The following PLAGL1 variants were observed in gnomAD, a reference collection of about 807,000 sequenced individuals.
PLAGL1 encodes PLAG1 like zinc finger 1, also known as zinc finger protein PLAGL1.
A neutral mutation model predicts 4.6 loss-of-function variants in PLAGL1; 1 was observed. The ratio of observed to expected loss-of-function variants is 0.22; its 90% CI spans 0.08 to 1.03. PLAGL1 has a LOEUF of 1.03. Among genes scored for constraint, PLAGL1 ranks in the 50% least tolerant of loss-of-function variants. The pLI, the probability that PLAGL1 is intolerant of heterozygous loss-of-function variation, is 0.58. For synonymous variants in PLAGL1, 240 were observed against 237.8 expected (o/e 1.01, Z -0.08); for missense variants, 464 against 570.4 (o/e 0.81, Z 1.90).
chr6:143,954,541 T>G lies in PLAGL1; in HGVS notation c.-325+5928A>C, dbSNP rs1259249054. Among the ~76,000 whole-genome samples, 1 of 152,182 alleles carries G rather than the reference T, an allele frequency of 6.6e-6. No homozygotes were observed. Among genetic ancestry groups the G allele is most frequent in the East Asian group, 1.9e-4 (1 of 5,188 alleles). ...ATGAGGCAGCCTCTTATAACTCAGC[T>G]AATATAATCCAGAGACTAACATTCA... is the stretch of plus-strand genomic sequence containing the variant. On this transcript the variant is annotated intron_variant, in intron 6 of 7. Coordinates refer to ENST00000674357, the MANE Select transcript of PLAGL1 (RefSeq NM_001317162.2). This position sits in a 1 kb window ranked among gnomAD's most constrained non-coding sequence, Gnocchi z 5.1.
At chr6:143,977,636 A>G (rs1400597158) in intron 2 of PLAGL1, among the ~76,000 whole-genome samples, 2 of 151,538 alleles carry the variant, frequency 1.3e-5, no homozygotes, top group African/African-American at 2.4e-5. Flanking sequence ...TATACCTGAG[A>G]TTACAGGCGC....
rs61216054 is a variant in PLAGL1, at chr6:143,943,031, A to ATTTTTTTTTTTTTTTTTTTTTTTTTTTTT, written c.153-369_153-368insAAAAAAAAAAAAAAAAAAAAAAAAAAAAA. On this transcript the variant is annotated intron_variant, in intron 7 of 7. Transcript: ENST00000674357. ...AGGCACACACCACCAGGCCTGGCTA[A>ATTTTTTTTTTTTTTTTTTTTTTTTTTTTT]TTTTTTTTTTTTTTTTTTTGAGACA... Among the ~76,000 whole-genome samples the ATTTTTTTTTTTTTTTTTTTTTTTTTTTTT allele has an allele frequency of 6.5e-4, 42 of 64,640 alleles. 5 individuals are homozygous for ATTTTTTTTTTTTTTTTTTTTTTTTTTTTT. The highest frequency in any genetic ancestry group is 0.014 in the Middle Eastern group (1 of 74). The allele number at this position is 64,640 out of a possible 152,430, so 42.4% of individuals were successfully genotyped here.
rs561264178 is a variant in PLAGL1, at chr6:144,044,735, C to T, written c.-151+19733G>A. On this transcript the variant is annotated intron_variant, in intron 1 of 3. Coordinates refer to the PLAGL1 transcript ENST00000437412. The stretch of plus-strand genomic sequence containing the variant: ...TCCAAGTCCTGGATATCCTTGTTAA[C>T]CTTCTGTCTCAATCTGTCTAATATT... 1.2e-4 allele frequency among the ~76,000 whole-genome samples: 18 copies of T among 152,240 alleles called. No homozygotes were observed. The South Asian group carries it at 3.7e-3, about 32-fold the overall frequency.
In PLAGL1 at chr6:143,991,543, C is replaced by T. The variant is rs189324688; in HGVS notation, c.-583-6369G>A. On this transcript the variant is annotated intron_variant, in intron 1 of 7. Transcript: ENST00000674357. Reference sequence around the variant, plus strand: ...CTGTCTGGTTTTCTAGGTATTCAGACATTGCACTCGCTCAGCACTGCCCTT... The same window carrying T: ...CTGTCTGGTTTTCTAGGTATTCAGATATTGCACTCGCTCAGCACTGCCCTT... 8.5e-5 allele frequency among the ~76,000 whole-genome samples: 13 copies of T among 152,292 alleles called. No individual in the cohort carries two copies. In the East Asian group the frequency reaches 2.1e-3, roughly 25 times the overall value.
chr6:144,049,531 G>C (rs1798427797), intron 1 of PLAGL1, among the ~76,000 whole-genome samples: 1 of 152,214 alleles, frequency 6.6e-6, no homozygotes, highest in South Asian at 2.1e-4. Flanking sequence ...CAAAGAGGAA[G>C]CAAGCTTGGA....
At position 144,039,733 on chromosome 6, in the gene PLAGL1, G is replaced by T. The variant is rs998205221; in HGVS notation, c.-151+24735C>A. Among the ~76,000 whole-genome samples the T allele has an allele frequency of 4.7e-4, 71 of 152,168 alleles. No homozygotes were observed. The highest frequency in any genetic ancestry group is 1.5e-4 in the Non-Finnish European group (10 of 68,048). The stretch of plus-strand genomic sequence containing the variant: ...TGTAATAGTCAGTGAATACAAAGGG[G>T]TATATACTAAATGCTACAGAAATTC... On this transcript the variant is annotated intron_variant, in intron 1 of 3. Coordinates refer to the PLAGL1 transcript ENST00000437412. The surrounding 1 kb of genome is among the most constrained non-coding windows in gnomAD (Gnocchi z 4.1).
chr6:144,027,226 A>AGAACGAACGAAC lies in PLAGL1; in HGVS notation c.-151+37241_-151+37242insGTTCGTTCGTTC, dbSNP rs747970925. 7.7e-6 allele frequency among the ~76,000 whole-genome samples: 1 copy of AGAACGAACGAAC among 129,814 alleles called. No individual in the cohort carries two copies. Among genetic ancestry groups the AGAACGAACGAAC allele is most frequent in the East Asian group, 2.3e-4 (1 of 4,432 alleles). The allele number at this position is 129,814 out of a possible 152,430, so 85.2% of individuals were successfully genotyped here. ...GTGACAGAGAAAGACCCCAACTCAA[A>AGAACGAACGAAC]GAACGAACGAAAGAAAGAAAGAAAG... On this transcript the variant is annotated intron_variant, in intron 1 of 3. Coordinates refer to the PLAGL1 transcript ENST00000437412. This position sits in a 1 kb window ranked among gnomAD's most constrained non-coding sequence, Gnocchi z 5.8.
At chr6:143,991,204 T>C (rs1016254971) in intron 1 of PLAGL1, among the ~76,000 whole-genome samples, 5 of 152,254 alleles carry the variant, frequency 3.3e-5, no homozygotes, top group African/African-American at 4.8e-5. Flanking sequence ...TTATATATCA[T>C]AATGGAACTT....
Position 144,013,422 on chromosome 6 carries a change from G to GA in PLAGL1, c.-150-44445dup, listed in dbSNP as rs1795331963. 6.6e-6 allele frequency among the ~76,000 whole-genome samples: 1 copy of GA among 152,078 alleles called. No homozygotes were observed. The highest frequency in any genetic ancestry group is 2.4e-5 in the African/African-American group (1 of 41,424). On this transcript the variant is annotated intron_variant, in intron 1 of 3. Transcript: ENST00000437412. The surrounding 1 kb of genome is among the most constrained non-coding windows in gnomAD (Gnocchi z 4.4). ...GCATTTGACAACTACACCCCATCCT[G>GA]AAAAAAATGACAACTAGGAATGGAA...
intron 1 of PLAGL1, among the ~76,000 whole-genome samples, chr6:144,023,036 G>T (rs1008185917): frequency 3.1e-4 from 47 of 152,206 alleles, no homozygotes; most frequent in African/African-American, 1.1e-3. Context: ...TCCATAATGT[G>T]GAATATTATT....
intron 1 of PLAGL1, among the ~76,000 whole-genome samples, chr6:144,040,930 T>A (rs1324243534): frequency 6.6e-6 from 1 of 151,998 alleles, no homozygotes; most frequent in African/African-American, 2.4e-5. Context: ...GATGAAGAAG[T>A]AAAGATAGCC....
chr6:144,032,345 A>G (rs890641413), intron 1 of PLAGL1, among the ~76,000 whole-genome samples: 1 of 150,824 alleles, frequency 6.6e-6, no homozygotes, highest in African/African-American at 2.4e-5. Context: ...GCTGGTCTCA[A>G]AGTCCTGGGC....
rs760031131 is a variant in PLAGL1, at chr6:143,942,555, G to T, written c.261C>A (p.Asn87Lys). 10 of 1,614,034 alleles carry T rather than the reference G, an allele frequency of 6.2e-6. No homozygotes were observed. The African/African-American group carries it at 1.2e-4, about 19-fold the overall frequency. ...ACTCCTCACACCCAAAGGCCATTTT[G>T]TTGGGGTCGTGGGTCTGGAGGTGGT... ...LKNHLQTHDP[N>K]KMAFGCEECG... Residue 87 changes from asparagine (N) to lysine (K), a missense_variant, in exon 8 of 8, where the codon AAC (asparagine) becomes AAA (lysine). Physicochemically the swap from Asn to Lys is moderately conservative, Grantham distance 94 (BLOSUM62 0). Around this residue, in one of 4 missense-constraint regions of PLAGL1, gnomAD observed 161 missense variants for 196.7 expected, o/e 0.82. Coordinates refer to ENST00000674357, the MANE Select transcript of PLAGL1 (RefSeq NM_001317162.2). This position sits in a 1 kb window ranked among gnomAD's most constrained non-coding sequence, Gnocchi z 7.6.
chr6:144,063,897 C>T lies in PLAGL1; in HGVS notation c.-151+571G>A, dbSNP rs1452735375. Among the ~76,000 whole-genome samples, 1 of 152,200 alleles carries T rather than the reference C, an allele frequency of 6.6e-6. No homozygotes were observed. Among genetic ancestry groups the T allele is most frequent in the Non-Finnish European group, 1.5e-5 (1 of 68,024 alleles). On this transcript the variant is annotated intron_variant, in intron 1 of 3. Transcript: ENST00000437412. This position sits in a 1 kb window ranked among gnomAD's most constrained non-coding sequence, Gnocchi z 5.7. ...TGACGCCACGGCCCAGGTCTCTTTT[C>T]TCCCGGAGTCTGCGGGGACCTCCCC...
At position 143,955,540 on chromosome 6, in the gene PLAGL1, CTG is replaced by C. The variant is rs891036057; in HGVS notation, c.-325+4927_-325+4928del. On this transcript the variant is annotated intron_variant, in intron 6 of 7. Transcript: ENST00000674357. This position sits in a 1 kb window ranked among gnomAD's most constrained non-coding sequence, Gnocchi z 4.9. ...ATAGGTAGAGAATGCCAATAAAATG[CTG>C]TGAGGAATGGGAAGAGGCAGTGGGG... Among the ~76,000 whole-genome samples, 5 of 152,012 alleles carry C rather than the reference CTG, an allele frequency of 3.3e-5. No homozygotes were observed. The highest frequency in any genetic ancestry group is 7.4e-5 in the Non-Finnish European group (5 of 68,006).
chr6:144,047,557 A>T (rs1239778838), intron 1 of PLAGL1, among the ~76,000 whole-genome samples: 4 of 152,176 alleles, frequency 2.6e-5, no homozygotes, highest in Non-Finnish European at 5.9e-5. Flanking sequence ...CTTATGTGGC[A>T]TGAGAAAATG....
chr6:143,967,631 T>G (rs1185124686), intron 3 of PLAGL1: 4 of 152,228 alleles, frequency 2.6e-5, no homozygotes, highest in Non-Finnish European at 5.9e-5. Flanking sequence ...TGGCATGAAC[T>G]AGTCCTACAG....
chr6:144,044,287 T>A lies in PLAGL1; in HGVS notation c.-151+20181A>T, dbSNP rs184359059. Among the ~76,000 whole-genome samples the A allele has an allele frequency of 4.4e-4, 67 of 152,354 alleles. 1 individual carries two copies. The East Asian group carries it at 0.012, about 28-fold the overall frequency. ...GTGATGTTAGGGTGTCAATTTTAGA[T>A]CTTTCCTGCTTTGTCTTGTGGGCAT... On this transcript the variant is annotated intron_variant, in intron 1 of 3. Transcript: ENST00000437412.
intron 1 of PLAGL1, among the ~76,000 whole-genome samples, chr6:144,028,479 G>T (rs1796539510): frequency 6.6e-6 from 1 of 152,132 alleles, no homozygotes; most frequent in African/African-American, 2.4e-5. Context: ...AGCAGGGAAA[G>T]GGGCCTAATT....
Sources: allele counts gnomAD v4.1 joint callset (sites outside exome capture counted in the v4.1 genomes callset), GRCh38; gene constraint gnomAD v4.1.1; regional missense constraint gnomAD v4.1.1; non-coding constraint Gnocchi (gnomAD v3.1); transcripts MANE v1.5; gene names NCBI Gene and HGNC (gene_info 2026-07-23, HGNC 2026-07-21).